The following SUPT3H variants were observed in gnomAD, a reference collection of about 807,000 sequenced individuals.
SUPT3H encodes the protein SPT3 homolog, SAGA and STAGA complex component.
SUPT3H carries 44 observed loss-of-function variants against 44.3 expected under a neutral mutation model. The ratio of observed to expected loss-of-function variants is 0.99; its 90% CI spans 0.78 to 1.28. The LOEUF (loss-of-function observed/expected upper bound fraction) is 1.28, where lower values mean the gene tolerates loss of function less well. Among genes scored for constraint, SUPT3H ranks in the 50% most tolerant of loss-of-function variants. The probability of loss-of-function intolerance (pLI) is 0.00; values close to 1 mark genes in which losing one functional copy is unlikely to be tolerated. For synonymous variants in SUPT3H, 124 were observed against 125.6 expected, an observed-to-expected ratio of 0.99 and a Z score of 0.09; for missense variants, 380 against 387.1, an observed-to-expected ratio of 0.98 and a Z score of 0.15.
At chr6:45,128,557 T>TATAC (rs1280920129) in intron 2 of SUPT3H, among the ~76,000 whole-genome samples, 1 of 56,744 alleles carries the variant, frequency 1.8e-5, no homozygotes. Flanking sequence ...TATATATATA[T>TATAC]ACACACACAC....
At chr6:44,914,402 A>T (rs1485869967) in intron 10 of SUPT3H, among the ~76,000 whole-genome samples, 1 of 152,224 alleles carries the variant, frequency 6.6e-6, no homozygotes, top group Non-Finnish European at 1.5e-5. Flanking sequence ...CTAGGAGCTC[A>T]GCTTCATACT....
At chr6:45,090,490 T>C (rs189541179) in intron 3 of SUPT3H, among the ~76,000 whole-genome samples, 1 of 152,134 alleles carries the variant, frequency 6.6e-6, no homozygotes, top group African/African-American at 2.4e-5. Context: ...CATTTGAAAA[T>C]ATCACCACCT....
chr6:44,938,452 T>C (rs984362643), intron 9 of SUPT3H, among the ~76,000 whole-genome samples: 1 of 152,220 alleles, frequency 6.6e-6, no homozygotes, highest in African/African-American at 2.4e-5. Flanking sequence ...TTTATATCAG[T>C]ACCATGCTGT....
At chr6:45,246,470 C>T (rs933464814) in intron 2 of SUPT3H, among the ~76,000 whole-genome samples, 1 of 152,084 alleles carries the variant, frequency 6.6e-6, no homozygotes, top group Non-Finnish European at 1.5e-5. Flanking sequence ...AAGTAGAGTG[C>T]AACTTTGCAC....
chr6:45,304,784 A>C (rs1268141170), intron 2 of SUPT3H, among the ~76,000 whole-genome samples: 1 of 152,218 alleles, frequency 6.6e-6, no homozygotes, highest in Non-Finnish European at 1.5e-5. Context: ...AATATCTTAG[A>C]AAATGCACAA....
chr6:44,976,733 T>G (rs1216599373), intron 6 of SUPT3H, among the ~76,000 whole-genome samples: 2 of 152,196 alleles, frequency 1.3e-5, no homozygotes, highest in Non-Finnish European at 2.9e-5. Context: ...AGAAATAATC[T>G]TTAAAATAAT....
At chr6:45,121,974 C>A (rs1021286823) in intron 2 of SUPT3H, among the ~76,000 whole-genome samples, 2 of 151,640 alleles carry the variant, frequency 1.3e-5, no homozygotes, top group African/African-American at 2.4e-5. Flanking sequence ...CCGCACCTAG[C>A]CAGATGTGTT....
chr6:45,100,579 C>G (rs922668729), intron 3 of SUPT3H, among the ~76,000 whole-genome samples: 2 of 115,490 alleles, frequency 1.7e-5, no homozygotes, highest in African/African-American at 7.6e-5. Context: ...CACAAATAGC[C>G]CACAGTACAT....
intron 2 of SUPT3H, among the ~76,000 whole-genome samples, chr6:45,268,677 T>C (rs1183073532): frequency 6.6e-6 from 1 of 151,992 alleles, no homozygotes; most frequent in East Asian, 1.9e-4. Flanking sequence ...AAACTAAATG[T>C]TAGATAACTA....
At chr6:45,127,058 G>A (rs936153395) in intron 2 of SUPT3H, among the ~76,000 whole-genome samples, 19 of 152,182 alleles carry the variant, frequency 1.2e-4, no homozygotes, top group African/African-American at 4.6e-4. Context: ...GCTGACGCCT[G>A]TAATCCCAGC....
At chr6:44,933,542 T>C (rs777340086) in intron 9 of SUPT3H, among the ~76,000 whole-genome samples, 4 of 152,214 alleles carry the variant, frequency 2.6e-5, no homozygotes, top group Non-Finnish European at 4.4e-5. Context: ...TTTCCTCACC[T>C]GTAAATTGGG....
intron 10 of SUPT3H, among the ~76,000 whole-genome samples, chr6:44,847,552 A>G (rs1317765044): frequency 6.6e-6 from 1 of 151,816 alleles, no homozygotes; most frequent in Non-Finnish European, 1.5e-5. Context: ...CAGTGGCACA[A>G]TCTTGGCTCA....
At chr6:45,107,855 T>C (rs1799494640) in intron 2 of SUPT3H, among the ~76,000 whole-genome samples, 1 of 152,160 alleles carries the variant, frequency 6.6e-6, no homozygotes, top group Admixed American at 6.5e-5. Flanking sequence ...AATAAATAAG[T>C]ATCTATTAAC....
intron 10 of SUPT3H, among the ~76,000 whole-genome samples, chr6:44,837,364 TAATG>T (rs913492807): frequency 6.6e-6 from 1 of 152,250 alleles, no homozygotes; most frequent in Middle Eastern, 3.2e-3. Context: ...AATAGTCATC[TAATG>T]AATGAATGAA....
chr6:45,323,026 G>C, intron 2 of SUPT3H: 1 of 991,678 alleles, frequency 1.0e-6, no homozygotes, highest in South Asian at 1.7e-5. Context: ...GATACAGACA[G>C]ACATACGATG....
At chr6:45,280,072 A>G (rs1287551692) in intron 2 of SUPT3H, among the ~76,000 whole-genome samples, 1 of 152,194 alleles carries the variant, frequency 6.6e-6, no homozygotes, top group African/African-American at 2.4e-5. Flanking sequence ...TTTTAAATAT[A>G]TCGAGAATCT....
chr6:45,127,956 G>A (rs1210198912), intron 2 of SUPT3H, among the ~76,000 whole-genome samples: 1 of 152,064 alleles, frequency 6.6e-6, no homozygotes, highest in African/African-American at 2.4e-5. Context: ...TTTGCTTCCT[G>A]TATTTTGAAG....
intron 4 of SUPT3H, among the ~76,000 whole-genome samples, chr6:45,016,063 TTTA>T (rs1290965728): frequency 2.6e-5 from 4 of 152,092 alleles, no homozygotes; most frequent in Admixed American, 6.6e-5. Context: ...GTAACAATCA[TTTA>T]TTATCTTTAT....
rs373430374 is a variant in SUPT3H at position 45,365,210 on chromosome 6, T to C, written c.92A>G (p.Gln31Arg). ...GCAGGGACATACTTACATCATACTC[T>C]GTAATTCTGTTGCAAAGCTTATAGA... ...GKSISFATEL[Q>R]SMMYSLGDAR... is the part of the protein sequence containing the mutation. Residue 31 changes from glutamine to arginine, a missense_variant, in exon 2 of 11, where the codon CAG becomes CGG. Coordinates refer to ENST00000371459, the MANE Select transcript of SUPT3H (RefSeq NM_003599.4). 8 of 1,607,016 alleles carry C rather than the reference T, an allele frequency of 5.0e-6. No homozygotes were observed. The highest frequency in any genetic ancestry group is 6.8e-6 in the Non-Finnish European group (8 of 1,175,024).
Sources: gnomAD v4.1 joint callset for allele counts (sites outside exome capture counted in the v4.1 genomes callset) on GRCh38, gnomAD v4.1.1 for gene constraint, MANE v1.5 for transcripts, NCBI Gene and HGNC (gene_info 2026-07-23, HGNC 2026-07-21) for gene names.